ZNF721: variants seen among roughly 807,000 people sequenced by gnomAD.
ZNF721 encodes the protein zinc finger protein 721.
In ZNF721, 2 loss-of-function variants were observed where a neutral mutation model predicts 2.4. The ratio of observed to expected loss-of-function variants is 0.82; its 90% CI spans 0.34 to 2.58. The LOEUF is 2.58. Ranked by LOEUF, ZNF721 falls within the 30% of genes most tolerant of loss-of-function variation. ZNF721 has a pLI of 0.11. For missense variants in ZNF721, 1,187 were observed against 1,085.5 expected (o/e 1.09, Z -1.31); for synonymous variants, 398 against 381.8 (o/e 1.04, Z -0.50).
intron 2 of ZNF721, among the ~76,000 whole-genome samples, chr4:454,693 C>T (rs797033653): frequency 2.0e-5 from 3 of 152,006 alleles, no homozygotes; most frequent in African/African-American, 7.3e-5. Flanking sequence ...AAACTGAGGC[C>T]GAATGTGGAG....
intron 1 of ZNF721, among the ~76,000 whole-genome samples, chr4:475,983 C>A (rs1715615075): frequency 6.6e-6 from 1 of 152,174 alleles, no homozygotes; most frequent in Non-Finnish European, 1.5e-5. Context: ...ACAAACAGCA[C>A]CATTATTGAT....
At chr4:449,932 T>C (rs1248290437) in intron 2 of ZNF721, among the ~76,000 whole-genome samples, 1 of 152,108 alleles carries the variant, frequency 6.6e-6, no homozygotes, top group Non-Finnish European at 1.5e-5. Context: ...AGGAAACACA[T>C]ACAGTCGGTA....
chr4:461,303 G>A (rs1037657709), intron 2 of ZNF721, among the ~76,000 whole-genome samples: 18 of 152,036 alleles, frequency 1.2e-4, no homozygotes, highest in African/African-American at 4.1e-4. Context: ...TTCAACATAC[G>A]CCAATCAATA....
chr4:491,757 CTTGGTGTCCTT>C (rs1226799844), intron 1 of ZNF721, among the ~76,000 whole-genome samples: 1 of 152,164 alleles, frequency 6.6e-6, no homozygotes, highest in African/African-American at 2.4e-5. Context: ...TTTAGCAGGA[CTTGGTGTCCTT>C]TTTAGACCCA....
At position 443,924 on chromosome 4, in the gene ZNF721, A is replaced by T; in HGVS notation, c.543T>A (p.Thr181=). The T allele has an allele frequency of 6.2e-7, 1 of 1,614,078 alleles. No homozygotes were observed. ...GKAFNRSTNL[T]AHKRIHNREK... ...CTCTGTTGTGAATTCTCTTATGTGCAGTAAGGTTTGTTGACCTATTAAAGG... is the reference window on the plus strand; with the variant it reads ...CTCTGTTGTGAATTCTCTTATGTGCTGTAAGGTTTGTTGACCTATTAAAGG... The change falls in exon 3 of 3, where the codon ACT becomes ACA. Residue 181 remains threonine, a synonymous_variant. Transcript: ENST00000511833.
chr4:466,613 T>C (rs1406331124), intron 2 of ZNF721, among the ~76,000 whole-genome samples: 1 of 152,172 alleles, frequency 6.6e-6, no homozygotes, highest in Non-Finnish European at 1.5e-5. Flanking sequence ...CTTAAAATAG[T>C]TCCTGTTTCT....
chr4:442,224 G>A lies in ZNF721; in HGVS notation c.2243C>T (p.Thr748Ile). 6.2e-7 allele frequency: 1 copy of A among 1,612,906 alleles called. No homozygotes were observed. The highest frequency in any genetic ancestry group is 8.5e-7 in the Non-Finnish European group (1 of 1,179,222). Reference sequence around the variant, plus strand: ...TTTACATTTGTAGAGTTTATCTCCAGTATGAATTTTCTTATATTCGTTCAG... The same window carrying A: ...TTTACATTTGTAGAGTTTATCTCCAATATGAATTTTCTTATATTCGTTCAG... ...TNLNEYKKIH[T>I]GDKLYKCKEC... Residue 748 changes from threonine to isoleucine, a missense_variant, in exon 3 of 3, where the codon ACT becomes ATT. Thr to Ile is a moderately conservative substitution (Grantham distance 89). Coordinates refer to ENST00000511833, the MANE Select transcript of ZNF721 (RefSeq NM_133474.4).
intron 1 of ZNF721, among the ~76,000 whole-genome samples, chr4:495,652 G>A (rs782625257): frequency 6.6e-6 from 1 of 151,752 alleles, no homozygotes; most frequent in Non-Finnish European, 1.5e-5. Context: ...CCAGGCTGGC[G>A]TGCAGTGACG....
chr4:447,131 C>T (rs1553864279), intron 2 of ZNF721, among the ~76,000 whole-genome samples: 1 of 152,030 alleles, frequency 6.6e-6, no homozygotes, highest in Non-Finnish European at 1.5e-5. Flanking sequence ...ACCATCCTAG[C>T]TAACATGGAT....
intron 2 of ZNF721, among the ~76,000 whole-genome samples, chr4:454,285 T>C (rs896270421): frequency 1.1e-4 from 16 of 152,194 alleles, no homozygotes; most frequent in African/African-American, 3.1e-4. Context: ...CTGGTGGTGA[T>C]AGCCTACTAC....
At chr4:492,029 G>A (rs1372933680) in intron 1 of ZNF721, among the ~76,000 whole-genome samples, 8 of 151,780 alleles carry the variant, frequency 5.3e-5, no homozygotes, top group Middle Eastern at 3.4e-3. Flanking sequence ...GGGCGTGGCC[G>A]GCGGGCGCCT....
chr4:450,893 C>T (rs1159880012), intron 2 of ZNF721, among the ~76,000 whole-genome samples: 3 of 136,144 alleles, frequency 2.2e-5, no homozygotes, highest in Non-Finnish European at 4.6e-5. Flanking sequence ...GCCGAGATTG[C>T]ACCACTGAAC....
chr4:458,945 A>G (rs1553865709), intron 2 of ZNF721, among the ~76,000 whole-genome samples: 1 of 152,222 alleles, frequency 6.6e-6, no homozygotes, highest in Non-Finnish European at 1.5e-5. Context: ...CATCAGACTA[A>G]CAGCAGATCT....
rs1553863041 is a variant in ZNF721, at chr4:441,146, C to T, written c.*549G>A. 1 of 152,530 alleles carries T rather than the reference C, an allele frequency of 6.6e-6. No homozygotes were observed. Among genetic ancestry groups the T allele is most frequent in the African/African-American group, 2.4e-5 (1 of 41,168 alleles). 9.4% of individuals were successfully genotyped at this position (152,530 alleles called of 1,614,324 possible). On this transcript the variant is annotated 3_prime_UTR_variant, in exon 3 of 3. Coordinates refer to ENST00000511833, the MANE Select transcript of ZNF721 (RefSeq NM_133474.4). The stretch of plus-strand genomic sequence containing the variant: ...GGATACAAGTACAGGTACTAGAGCC[C>T]TCTTTATCTTTGTATTCTCTGTCTT...
intron 1 of ZNF721, among the ~76,000 whole-genome samples, chr4:473,614 A>C (rs1483133563): frequency 6.6e-6 from 1 of 152,182 alleles, no homozygotes; most frequent in South Asian, 2.1e-4. Flanking sequence ...CATGAACTCT[A>C]TGTTTTGATG....
intron 2 of ZNF721, among the ~76,000 whole-genome samples, chr4:450,734 G>A (rs370560626): frequency 2.0e-5 from 3 of 151,554 alleles, no homozygotes; most frequent in Admixed American, 1.3e-4. Context: ...TCAGGAGATC[G>A]AGACCGTCCT....
Position 442,202 on chromosome 4 carries a change from A to T in ZNF721, c.2265T>A (p.Cys755Ter). Reference sequence around the variant, plus strand: ...GTTTAAACACTTTCCCACATTCTTTACATTTGTAGAGTTTATCTCCAGTAT... The same window carrying T: ...GTTTAAACACTTTCCCACATTCTTTTCATTTGTAGAGTTTATCTCCAGTAT... The part of the protein sequence containing the change: ...KIHTGDKLYK[C>*]KECGKVFKQS... Residue 755 changes from cysteine to a stop codon, truncating the protein, a stop_gained, in exon 3 of 3, where the codon TGT becomes TGA. Coordinates refer to ENST00000511833, the MANE Select transcript of ZNF721 (RefSeq NM_133474.4). LOFTEE classifies it low-confidence loss of function (END_TRUNC). 6.2e-7 allele frequency: 1 copy of T among 1,612,182 alleles called. No homozygotes were observed. The highest frequency in any genetic ancestry group is 8.5e-7 in the Non-Finnish European group (1 of 1,178,812).
chr4:460,030 A>G (rs1405605696), intron 2 of ZNF721, among the ~76,000 whole-genome samples: 2 of 152,174 alleles, frequency 1.3e-5, no homozygotes, highest in Non-Finnish European at 2.9e-5. Context: ...TCAATATTAG[A>G]TCAATGAGAC....
chr4:473,864 G>A lies in ZNF721; in HGVS notation c.-93-1163C>T, dbSNP rs1452259953. 17 of 1,316,004 alleles carry A rather than the reference G, an allele frequency of 1.3e-5. No individual in the cohort carries two copies. In the African/African-American group the frequency reaches 1.6e-4, roughly 13 times the overall value. 81.5% of individuals were successfully genotyped at this position (1,316,004 alleles called of 1,614,324 possible). ...CCCTCACCGGAGGGGACTGAGGACC[G>A]AGGGCTAAGCGGCGGCAGCGGGGAC... On this transcript the variant is annotated intron_variant, in intron 1 of 2. Coordinates refer to ENST00000511833, the MANE Select transcript of ZNF721 (RefSeq NM_133474.4).
Sources: allele counts gnomAD v4.1 joint callset (sites outside exome capture counted in the v4.1 genomes callset), GRCh38; gene constraint gnomAD v4.1.1; transcripts MANE v1.5; gene names NCBI Gene and HGNC (gene_info 2026-07-23, HGNC 2026-07-21).